IPO11: variants seen among roughly 807,000 people sequenced by gnomAD.
The protein encoded by IPO11 is importin-11.
A neutral mutation model predicts 143.2 loss-of-function variants in IPO11; 66 were observed. That is an observed-to-expected ratio of 0.46 (90% confidence interval 0.38 to 0.57). IPO11 has a LOEUF of 0.57. Ranked by LOEUF, IPO11 falls within the 20% of genes least tolerant of loss-of-function variation. The pLI is 0.00. For synonymous variants in IPO11, 385 were observed against 377.8 expected (o/e 1.02, Z -0.22); for missense variants, 1,026 against 1,141.0 (o/e 0.90, Z 1.45).
At chr5:62,546,346 G>A (rs993855412) in intron 24 of IPO11, among the ~76,000 whole-genome samples, 1 of 152,114 alleles carries the variant, frequency 6.6e-6, no homozygotes, top group African/African-American at 2.4e-5. Context: ...AGTATCGCAA[G>A]GATAGAACAC....
At chr5:62,603,871 AG>A (rs1745600207) in intron 29 of IPO11, among the ~76,000 whole-genome samples, 1 of 152,240 alleles carries the variant, frequency 6.6e-6, no homozygotes, top group South Asian at 2.1e-4. Context: ...TGCATATGAT[AG>A]TGGTCCGATA....
chr5:62,447,154 A>G (rs1015106826), intron 3 of IPO11, among the ~76,000 whole-genome samples: 6 of 152,002 alleles, frequency 3.9e-5, no homozygotes, highest in South Asian at 4.1e-4. Context: ...TGCCCAGGCT[A>G]GAGTGCAGTG....
At chr5:62,623,435 G>A (rs1696406412) in intron 29 of IPO11, among the ~76,000 whole-genome samples, 1 of 152,130 alleles carries the variant, frequency 6.6e-6, no homozygotes. Context: ...ATAGGAAATT[G>A]TTACCAGAAA....
chr5:62,620,517 TAAAAAAA>T, intron 29 of IPO11, among the ~76,000 whole-genome samples: 1 of 105,808 alleles, frequency 9.5e-6, no homozygotes, highest in Admixed American at 1.0e-4. Flanking sequence ...AGACTCTGTC[TAAAAAAA>T]AAAAAAAAAA....
chr5:62,567,609 C>T (rs189895987), intron 27 of IPO11, among the ~76,000 whole-genome samples: 2 of 132,800 alleles, frequency 1.5e-5, no homozygotes, highest in Non-Finnish European at 3.1e-5. Context: ...GTTGCCCAGG[C>T]TGCAGTGCAT....
rs769669064 is a variant in IPO11 at position 62,435,210 on chromosome 5, G to GTATA, written c.-6-2063_-6-2062insATAT. 2.5e-3 allele frequency among the ~76,000 whole-genome samples: 232 copies of GTATA among 92,302 alleles called. 9 individuals carry two copies. The highest frequency in any genetic ancestry group is 3.2e-3 in the African/African-American group (69 of 21,512). 60.6% of individuals were successfully genotyped at this position (92,302 alleles called of 152,430 possible). ...TATATGTATATATATGTATATATAT[G>GTATA]TGTATATATATATATATCAGAGCAG... On this transcript the variant is annotated intron_variant, in intron 1 of 29. Transcript: ENST00000325324.
intron 5 of IPO11, among the ~76,000 whole-genome samples, chr5:62,462,243 A>T (rs950794919): frequency 1.1e-4 from 16 of 152,352 alleles, no homozygotes; most frequent in African/African-American, 3.6e-4. Context: ...TTTATGGAAC[A>T]GAATAGAATT....
chr5:62,603,100 C>A (rs1745565444), intron 29 of IPO11, among the ~76,000 whole-genome samples: 1 of 152,094 alleles, frequency 6.6e-6, no homozygotes, highest in East Asian at 1.9e-4. Flanking sequence ...CCTAGTTGTA[C>A]CATGGGCTAA....
chr5:62,579,941 T>C (rs1429133966), intron 27 of IPO11: 1 of 1,551,336 alleles, frequency 6.4e-7, no homozygotes, highest in South Asian at 1.2e-5. Flanking sequence ...AGGAATCGCC[T>C]CACTGTCCTT....
chr5:62,536,854 T>C (rs1051558651), intron 23 of IPO11, 73 bp downstream of exon 23: 32 of 1,327,628 alleles, frequency 2.4e-5, no homozygotes, highest in Non-Finnish European at 3.0e-5. Flanking sequence ...AATCAGGGGG[T>C]ACGTTTTCAA....
intron 27 of IPO11, chr5:62,581,148 C>G: frequency 2.6e-6 from 4 of 1,550,858 alleles, no homozygotes; most frequent in Non-Finnish European, 3.5e-6. Context: ...TTGAATACTA[C>G]AGCTTTTATC....
chr5:62,465,826 A>C (rs1465008889), intron 5 of IPO11, among the ~76,000 whole-genome samples: 1 of 152,212 alleles, frequency 6.6e-6, no homozygotes, highest in Non-Finnish European at 1.5e-5. Context: ...AGAGAAAGGA[A>C]GCACCTACAG....
At chr5:62,444,148 T>A (rs1580185835) in intron 3 of IPO11, among the ~76,000 whole-genome samples, 1 of 149,320 alleles carries the variant, frequency 6.7e-6, no homozygotes, top group African/African-American at 2.5e-5. Flanking sequence ...CAGGCTGGAG[T>A]GCAATGGCAT....
chr5:62,607,052 C>T (rs935470286), intron 29 of IPO11, among the ~76,000 whole-genome samples: 1 of 152,170 alleles, frequency 6.6e-6, no homozygotes, highest in Non-Finnish European at 1.5e-5. Context: ...GGATGGAGAA[C>T]AGTGCTGCAC....
chr5:62,618,797 C>T (rs1231296116), intron 29 of IPO11, among the ~76,000 whole-genome samples: 2 of 152,028 alleles, frequency 1.3e-5, no homozygotes, highest in Non-Finnish European at 2.9e-5. Flanking sequence ...TGTAGTCCCA[C>T]CTAGTCGGGA....
At chr5:62,489,079 A>G (rs1746514119) in intron 13 of IPO11, among the ~76,000 whole-genome samples, 1 of 152,230 alleles carries the variant, frequency 6.6e-6, no homozygotes, top group African/African-American at 2.4e-5. Flanking sequence ...ATTGCTTGTC[A>G]TAACATTTTT....
intron 27 of IPO11, among the ~76,000 whole-genome samples, chr5:62,566,704 C>G (rs1489110073): frequency 1.3e-5 from 2 of 148,862 alleles, no homozygotes; most frequent in African/African-American, 5.0e-5. Flanking sequence ...TACCACTGCA[C>G]TCCAGCCTGG....
intron 7 of IPO11, among the ~76,000 whole-genome samples, chr5:62,471,929 G>T (rs868215847): frequency 2.0e-5 from 3 of 152,160 alleles, no homozygotes; most frequent in South Asian, 2.1e-4. Context: ...GAAAATGTTG[G>T]GTTAAGCATA....
intron 8 of IPO11, among the ~76,000 whole-genome samples, chr5:62,474,951 C>T (rs1745903497): frequency 6.6e-6 from 1 of 152,160 alleles, no homozygotes; most frequent in African/African-American, 2.4e-5. Flanking sequence ...TATCTCCATA[C>T]TCAGAATGGT....
Sources: gnomAD v4.1 joint callset for allele counts (sites outside exome capture counted in the v4.1 genomes callset) on GRCh38, gnomAD v4.1.1 for gene constraint, MANE v1.5 for transcripts, NCBI Gene and HGNC (gene_info 2026-07-23, HGNC 2026-07-21) for gene names.